The following FBXL4 variants were observed in gnomAD, a reference collection of about 807,000 sequenced individuals.
The protein encoded by FBXL4 is F-box/LRR-repeat protein 4.
In FBXL4, 40 loss-of-function variants were observed where a neutral mutation model predicts 58.9. The observed-to-expected ratio is 0.68, with a 90% CI of 0.53 to 0.88. FBXL4 has a LOEUF of 0.88. Among genes scored for constraint, FBXL4 ranks in the 40% least tolerant of loss-of-function variants. The pLI, the probability that FBXL4 is intolerant of heterozygous loss-of-function variation, is 0.00. For missense variants in FBXL4, 676 were observed against 734.4 expected, an observed-to-expected ratio of 0.92 and a Z score of 0.92; for synonymous variants, 263 against 265.5, an observed-to-expected ratio of 0.99 and a Z score of 0.09.
At chr6:98,923,522 GC>G (rs1772663730) in intron 4 of FBXL4, among the ~76,000 whole-genome samples, 1 of 152,102 alleles carries the variant, frequency 6.6e-6, no homozygotes, top group Non-Finnish European at 1.5e-5. Context: ...GTTCAAATGT[GC>G]TGTTGTCTCT....
intron 6 of FBXL4, among the ~76,000 whole-genome samples, chr6:98,903,399 T>G (rs1771684824): frequency 6.6e-6 from 1 of 152,126 alleles, no homozygotes; most frequent in Non-Finnish European, 1.5e-5. Context: ...ATGGGAATAG[T>G]GACTACACTT....
chr6:98,879,657 C>A (rs532909460), intron 8 of FBXL4, among the ~76,000 whole-genome samples: 1 of 151,826 alleles, frequency 6.6e-6, no homozygotes, highest in Admixed American at 6.6e-5. Context: ...CCGAGGCGGG[C>A]GGATCACAAG....
At chr6:98,897,080 T>C in intron 7 of FBXL4, 1 of 983,494 alleles carries the variant, frequency 1.0e-6, no homozygotes, top group South Asian at 4.7e-5. Flanking sequence ...TTACCCTATT[T>C]TTCTTCTCAA....
At chr6:98,938,041 C>T (rs1018635312) in intron 1 of FBXL4, among the ~76,000 whole-genome samples, 20 of 121,080 alleles carry the variant, frequency 1.7e-4, no homozygotes, top group Non-Finnish European at 2.5e-4. Context: ...CCCCTGCACC[C>T]TTTTTTTTTT....
chr6:98,922,054 A>C (rs1772603067), intron 4 of FBXL4, among the ~76,000 whole-genome samples: 1 of 152,122 alleles, frequency 6.6e-6, no homozygotes, highest in African/African-American at 2.4e-5. Flanking sequence ...CAGCCTCCCG[A>C]ATAGCTGGAA....
chr6:98,905,307 CTTTT>C (rs1771757256), intron 6 of FBXL4, 115 bp downstream of exon 6: 3 of 1,205,382 alleles, frequency 2.5e-6, no homozygotes, highest in Non-Finnish European at 3.5e-6. Flanking sequence ...AATATATTTC[CTTTT>C]TATTTTTGTA....
intron 6 of FBXL4, among the ~76,000 whole-genome samples, chr6:98,903,291 A>G (rs1444076802): frequency 6.6e-6 from 1 of 152,132 alleles, no homozygotes; most frequent in African/African-American, 2.4e-5. Flanking sequence ...TCAGCAGTCA[A>G]GTCATGGGGG....
At position 98,874,212 on chromosome 6, in the gene FBXL4, C is replaced by A; in HGVS notation, c.*66G>T. 2 of 1,340,496 alleles carry A rather than the reference C, an allele frequency of 1.5e-6. No individual in the cohort carries two copies. The highest frequency in any genetic ancestry group is 2.0e-6 in the Non-Finnish European group (2 of 1,008,424). The allele number at this position is 1,340,496 out of a possible 1,614,324, so 83.0% of individuals were successfully genotyped here. A position where few individuals can be genotyped will look rare whatever the true frequency, so the allele number is the denominator to read the frequency against. On this transcript the variant is annotated 3_prime_UTR_variant, in exon 10 of 10. Coordinates refer to ENST00000369244, the MANE Select transcript of FBXL4 (RefSeq NM_001278716.2). ...CCATTAAAACAACTAAAAACAAAAC[C>A]CAAAACCAATCCCAAAATTAAACCC...
intron 7 of FBXL4, among the ~76,000 whole-genome samples, chr6:98,896,273 G>T (rs531427461): frequency 6.6e-6 from 1 of 152,186 alleles, no homozygotes; most frequent in Non-Finnish European, 1.5e-5. Flanking sequence ...TAAAAGGAGT[G>T]TGTGTATCAA....
intron 4 of FBXL4, 143 bp from the exon 5 acceptor site, chr6:98,917,862 A>G: frequency 1.7e-6 from 1 of 595,712 alleles, no homozygotes; most frequent in Non-Finnish European, 2.7e-6. Flanking sequence ...ATTGTTCCCA[A>G]GATATAAAAA....
rs1057228988 is a variant in FBXL4 at position 98,871,174 on chromosome 6, A to G, written c.*3104T>C. 6.6e-6 allele frequency: 1 copy of G among 152,208 alleles called. No individual in the cohort carries two copies. Among genetic ancestry groups the G allele is most frequent in the Non-Finnish European group, 1.5e-5 (1 of 68,040 alleles). 9.4% of individuals were successfully genotyped at this position (152,208 alleles called of 1,614,324 possible). A position where few individuals can be genotyped will look rare whatever the true frequency, so the allele number is the denominator to read the frequency against. On this transcript the variant is annotated 3_prime_UTR_variant, in exon 10 of 10. Coordinates refer to ENST00000369244, the MANE Select transcript of FBXL4 (RefSeq NM_001278716.2). ...AAGCAAGGAAAACATTTTACTAACG[A>G]TAACTAAATTGTGTTTGATTCTATC... is the stretch of plus-strand genomic sequence containing the variant.
intron 7 of FBXL4, chr6:98,897,012 T>C (rs1225494130): frequency 3.3e-5 from 33 of 985,108 alleles, no homozygotes; most frequent in Non-Finnish European, 3.9e-5. Flanking sequence ...TCATGGGATA[T>C]ATTTTCACAA....
At chr6:98,903,828 C>A (rs1331340319) in intron 6 of FBXL4, among the ~76,000 whole-genome samples, 3 of 152,076 alleles carry the variant, frequency 2.0e-5, no homozygotes, top group African/African-American at 4.8e-5. Flanking sequence ...TTAGTTACTA[C>A]CCTGTTACTC....
At chr6:98,895,996 T>C (rs1242783471) in intron 7 of FBXL4, among the ~76,000 whole-genome samples, 1 of 152,122 alleles carries the variant, frequency 6.6e-6, no homozygotes, top group Non-Finnish European at 1.5e-5. Context: ...GAAAACAGGG[T>C]TAAAGTGGTA....
At chr6:98,932,614 G>A (rs1261298500) in intron 2 of FBXL4, among the ~76,000 whole-genome samples, 1 of 152,266 alleles carries the variant, frequency 6.6e-6, no homozygotes, top group African/African-American at 2.4e-5. Context: ...CGAGAAGTCG[G>A]CTTGTACTTC....
intron 4 of FBXL4, among the ~76,000 whole-genome samples, chr6:98,924,544 G>A (rs1772702226): frequency 6.6e-6 from 1 of 152,128 alleles, no homozygotes; most frequent in Non-Finnish European, 1.5e-5. Context: ...GCGACAGAGT[G>A]AGACCCTGTC....
chr6:98,927,241 C>A (rs1028442187), intron 3 of FBXL4, among the ~76,000 whole-genome samples, 181 bp from the exon 4 acceptor site: 1 of 151,886 alleles, frequency 6.6e-6, no homozygotes, highest in African/African-American at 2.4e-5. Flanking sequence ...TTTTAAGAAA[C>A]CTAAATATTG....
chr6:98,869,698 C>T lies in FBXL4; in HGVS notation c.*4580G>A, dbSNP rs750158230. ...ACATGGTAGCCAAATGGAAATTTTA[C>T]TGACTCTTTGATTAGTATCATTACA... is the stretch of plus-strand genomic sequence containing the variant. On this transcript the variant is annotated 3_prime_UTR_variant, in exon 10 of 10. Coordinates refer to ENST00000369244, the MANE Select transcript of FBXL4 (RefSeq NM_001278716.2). 9 of 152,146 alleles carry T rather than the reference C, an allele frequency of 5.9e-5. No homozygotes were observed. The highest frequency in any genetic ancestry group is 1.3e-4 in the Non-Finnish European group (9 of 68,034). 9.4% of individuals were successfully genotyped at this position (152,146 alleles called of 1,614,324 possible). A position where few individuals can be genotyped will look rare whatever the true frequency, so the allele number is the denominator to read the frequency against.
Position 98,874,346 on chromosome 6 carries a change from T to C in FBXL4, c.1798A>G (p.Asn600Asp). The C allele has an allele frequency of 1.2e-6, 2 of 1,613,206 alleles. No homozygotes were observed. The highest frequency in any genetic ancestry group is 1.1e-5 in the South Asian group (1 of 90,984). Residue 600 changes from asparagine to aspartate, a missense_variant, in exon 10 of 10, where the codon AAC becomes GAC. Transcript: ENST00000369244. ...LDVSFCSQIDNRAVLELNASF... is the reference protein window; with the variant it reads ...LDVSFCSQIDDRAVLELNASF... ...GCATTCAGTTCTAGCACAGCTCTGT[T>C]ATCAATCTGCGAACAGAAGGACACA...
Sources: allele counts gnomAD v4.1 joint callset (sites outside exome capture counted in the v4.1 genomes callset), GRCh38; gene constraint gnomAD v4.1.1; transcripts MANE v1.5; gene names NCBI Gene and HGNC (gene_info 2026-07-23, HGNC 2026-07-21).